The following STXBP5L variants were observed in gnomAD, a reference collection of about 807,000 sequenced individuals.
STXBP5L encodes the protein syntaxin binding protein 5L.
A neutral mutation model predicts 144.5 loss-of-function variants in STXBP5L; 65 were observed. The ratio of observed to expected loss-of-function variants is 0.45; its 90% CI spans 0.37 to 0.55. The LOEUF (loss-of-function observed/expected upper bound fraction) is 0.55. Among genes scored for constraint, STXBP5L ranks in the 20% least tolerant of loss-of-function variants. STXBP5L has a pLI of 0.00. For missense variants in STXBP5L, 1,298 were observed against 1,405.5 expected, an observed-to-expected ratio of 0.92 and a Z score of 1.22; for synonymous variants, 505 against 469.6, an observed-to-expected ratio of 1.08 and a Z score of -0.97.
At chr3:120,927,409 G>A (rs1179060946) in intron 2 of STXBP5L, among the ~76,000 whole-genome samples, 1 of 152,166 alleles carries the variant, frequency 6.6e-6, no homozygotes, top group African/African-American at 2.4e-5. Flanking sequence ...AGGCTAGGAT[G>A]GCAGTCCCAC....
chr3:121,186,248 G>A (rs1419803794), intron 9 of STXBP5L, among the ~76,000 whole-genome samples: 2 of 152,176 alleles, frequency 1.3e-5, no homozygotes, highest in Admixed American at 1.3e-4. Flanking sequence ...TGCAAACAGG[G>A]ACAATTTGAC....
chr3:121,385,274 G>C (rs950575122), intron 22 of STXBP5L, among the ~76,000 whole-genome samples: 1 of 152,114 alleles, frequency 6.6e-6, no homozygotes, highest in African/African-American at 2.4e-5. Context: ...GCCTCAGGAA[G>C]CTTCCAGTCA....
At chr3:121,091,229 C>T (rs1290138612) in intron 5 of STXBP5L, among the ~76,000 whole-genome samples, 2 of 146,898 alleles carry the variant, frequency 1.4e-5, no homozygotes, top group Non-Finnish European at 3.0e-5. Context: ...AATAGTGCCA[C>T]AATAAGCATA....
chr3:121,119,285 T>C (rs557317501), intron 6 of STXBP5L, among the ~76,000 whole-genome samples: 28 of 151,594 alleles, frequency 1.8e-4, no homozygotes, highest in African/African-American at 6.5e-4. Flanking sequence ...AGGTGGGTAA[T>C]GTGCTATCCA....
rs535550716 is a variant in STXBP5L at position 121,029,385 on chromosome 3, C to T, written c.288-12315C>T. ...CCTCAGAAATAACACCACACATCTA[C>T]AACCATCTGATCTTTGACAAACCTG... On this transcript the variant is annotated intron_variant, in intron 3 of 26. Coordinates refer to ENST00000471454, the MANE Select transcript of STXBP5L (RefSeq NM_001308330.2). 2.1e-4 allele frequency among the ~76,000 whole-genome samples: 32 copies of T among 152,228 alleles called. 1 individual carries two copies. Among genetic ancestry groups the T allele is most frequent in the Middle Eastern group, 3.4e-3 (1 of 294 alleles).
chr3:121,239,887 G>A (rs557759782), intron 13 of STXBP5L, among the ~76,000 whole-genome samples: 9 of 151,496 alleles, frequency 5.9e-5, no homozygotes, highest in Non-Finnish European at 1.0e-4. Context: ...ATAAAATAAA[G>A]AAAATAAAAA....
intron 9 of STXBP5L, among the ~76,000 whole-genome samples, chr3:121,163,002 A>ACCAT (rs2046375319): frequency 6.6e-6 from 1 of 152,186 alleles, no homozygotes; most frequent in African/African-American, 2.4e-5. Context: ...CCATTGTGGA[A>ACCAT]GACAGTCTGG....
chr3:121,036,622 A>T (rs768163707), intron 3 of STXBP5L, among the ~76,000 whole-genome samples: 13 of 152,116 alleles, frequency 8.5e-5, no homozygotes, highest in Admixed American at 8.5e-4. Flanking sequence ...TTTTCCTTAA[A>T]TGAACTTAAT....
intron 20 of STXBP5L, among the ~76,000 whole-genome samples, chr3:121,378,277 G>A (rs1171978564): frequency 6.6e-6 from 1 of 152,132 alleles, no homozygotes; most frequent in Admixed American, 6.6e-5. Flanking sequence ...CATGGTGCAT[G>A]TATACCTATG....
chr3:120,988,081 A>T (rs1405386925), intron 3 of STXBP5L, among the ~76,000 whole-genome samples: 1 of 150,258 alleles, frequency 6.7e-6, no homozygotes, highest in Non-Finnish European at 1.5e-5. Flanking sequence ...TTTTTTTTTC[A>T]AGAACTAGCC....
intron 3 of STXBP5L, among the ~76,000 whole-genome samples, chr3:120,975,433 G>A (rs1008918853): frequency 5.3e-5 from 8 of 152,190 alleles, no homozygotes; most frequent in Admixed American, 5.2e-4. Context: ...TCAGCTTAAG[G>A]AGATTTTGGG....
intron 5 of STXBP5L, among the ~76,000 whole-genome samples, chr3:121,070,039 G>T (rs1404709860): frequency 6.6e-6 from 1 of 152,074 alleles, no homozygotes; most frequent in Non-Finnish European, 1.5e-5. Flanking sequence ...TTTATTTCTT[G>T]ATTTCATTGT....
At chr3:121,349,786 C>CTT (rs778064998) in intron 20 of STXBP5L, among the ~76,000 whole-genome samples, 21 of 151,542 alleles carry the variant, frequency 1.4e-4, no homozygotes, top group Admixed American at 6.6e-4. Context: ...CAACCCCTGC[C>CTT]TTTTTTTTGT....
intron 3 of STXBP5L, among the ~76,000 whole-genome samples, chr3:120,989,439 A>C (rs2107944423): frequency 6.6e-6 from 1 of 152,250 alleles, no homozygotes; most frequent in South Asian, 2.1e-4. Flanking sequence ...CTTCCTTTGC[A>C]AAATGTCTGT....
At chr3:121,039,277 A>G (rs1291998293) in intron 3 of STXBP5L, among the ~76,000 whole-genome samples, 1 of 151,790 alleles carries the variant, frequency 6.6e-6, no homozygotes, top group Non-Finnish European at 1.5e-5. Flanking sequence ...TGATTGCCTT[A>G]TGGTTTATAT....
intron 3 of STXBP5L, among the ~76,000 whole-genome samples, chr3:120,977,098 C>G (rs1318359193): frequency 6.6e-6 from 1 of 152,086 alleles, no homozygotes; most frequent in Non-Finnish European, 1.5e-5. Context: ...CCTGGTTATC[C>G]TTGTTACCTT....
At chr3:121,346,890 C>T (rs929093179) in intron 20 of STXBP5L, among the ~76,000 whole-genome samples, 1 of 152,142 alleles carries the variant, frequency 6.6e-6, no homozygotes, top group African/African-American at 2.4e-5. Context: ...AATTTTCTCC[C>T]ATTCTGTACA....
At chr3:120,966,538 C>G (rs1161410293) in intron 3 of STXBP5L, among the ~76,000 whole-genome samples, 1 of 152,156 alleles carries the variant, frequency 6.6e-6, no homozygotes, top group Non-Finnish European at 1.5e-5. Flanking sequence ...ACAGTCAGGT[C>G]CCTCAACTGC....
At chr3:120,991,209 A>C (rs1358520242) in intron 3 of STXBP5L, among the ~76,000 whole-genome samples, 1 of 150,390 alleles carries the variant, frequency 6.6e-6, no homozygotes, top group Non-Finnish European at 1.5e-5. Flanking sequence ...ACATTTATGC[A>C]GCCAAAAGAC....
Sources: allele counts gnomAD v4.1 joint callset (sites outside exome capture counted in the v4.1 genomes callset), GRCh38; gene constraint gnomAD v4.1.1; transcripts MANE v1.5; gene names NCBI Gene and HGNC (gene_info 2026-07-23, HGNC 2026-07-21).